The following MYCBP2 variants were observed in gnomAD, a reference collection of about 807,000 sequenced individuals.
The protein encoded by MYCBP2 is E3 ubiquitin-protein ligase MYCBP2.
A neutral mutation model predicts 525.3 loss-of-function variants in MYCBP2; 120 were observed. That is an observed-to-expected ratio of 0.23 (90% CI 0.20 to 0.27). The LOEUF is 0.27. Among genes scored for constraint, MYCBP2 ranks in the 10% least tolerant of loss-of-function variants. The pLI is 1.00. For synonymous variants in MYCBP2, 1,894 were observed against 1,955.8 expected (o/e 0.97, Z 0.83); for missense variants, 4,149 against 5,657.1 (o/e 0.73, Z 8.55).
Position 77,263,795 on chromosome 13 carries a change from A to C in MYCBP2, c.1432-6T>G. The C allele has an allele frequency of 6.2e-7, 1 of 1,612,800 alleles. No individual in the cohort carries two copies. Among genetic ancestry groups the C allele is most frequent in the South Asian group, 1.1e-5 (1 of 91,004 alleles). The stretch of plus-strand genomic sequence containing the variant: ...ATTCTGACAACAAAGCCATCCTAAG[A>C]AAAATAAAACATCCACAGCATTACA... On this transcript the variant is annotated splice_polypyrimidine_tract_variant and splice_region_variant and intron_variant, in intron 9 of 82. Transcript: ENST00000544440.
chr13:77,117,153 C>T (rs1229242146), intron 55 of MYCBP2, among the ~76,000 whole-genome samples: 3 of 152,038 alleles, frequency 2.0e-5, no homozygotes, highest in Non-Finnish European at 4.4e-5. Context: ...CTCCTCACTT[C>T]TGTTTCATTC....
chr13:77,186,661 G>A (rs2060749748), intron 30 of MYCBP2, among the ~76,000 whole-genome samples: 1 of 152,012 alleles, frequency 6.6e-6, no homozygotes, highest in African/African-American at 2.4e-5. Flanking sequence ...AGTTTAAGAT[G>A]GTAGATTTTC....
At chr13:77,072,741 C>T (rs1387858122) in intron 68 of MYCBP2, among the ~76,000 whole-genome samples, 1 of 152,048 alleles carries the variant, frequency 6.6e-6, no homozygotes, top group African/African-American at 2.4e-5. Flanking sequence ...TTATGAACAA[C>T]TTATGGCAAT....
At chr13:77,224,579 C>T (rs772006939) in intron 19 of MYCBP2, 47 bp from the exon 20 acceptor site, 2 of 1,148,684 alleles carry the variant, frequency 1.7e-6, no homozygotes, top group South Asian at 1.3e-5. Context: ...ATGCATTTTA[C>T]ATTTCTATCA....
chr13:77,078,715 T>G (rs2042772759), intron 66 of MYCBP2, 109 bp downstream of exon 66: 3 of 813,508 alleles, frequency 3.7e-6, no homozygotes, highest in Middle Eastern at 2.3e-4. Context: ...AATAGATAAT[T>G]CCCTATAATA....
chr13:77,155,784 T>C (rs933054091), intron 46 of MYCBP2, among the ~76,000 whole-genome samples: 4 of 152,238 alleles, frequency 2.6e-5, no homozygotes, highest in African/African-American at 9.6e-5. Flanking sequence ...ACTGTATGTG[T>C]CTAGCACTCT....
chr13:77,081,713 C>T lies in MYCBP2; in HGVS notation c.11194-62G>A. 6.5e-7 allele frequency: 1 copy of T among 1,536,832 alleles called. No individual in the cohort carries two copies. Among genetic ancestry groups the T allele is most frequent in the Admixed American group, 2.0e-5 (1 of 50,860 alleles). On this transcript the variant is annotated intron_variant, in intron 64 of 82. Transcript: ENST00000544440. The surrounding 1 kb of genome is among the most constrained non-coding windows in gnomAD (Gnocchi z 4.6). Reference sequence around the variant, plus strand: ...AAGCAAATCTTTCGTGATGATAAAACAAACAGGTATAAGATAAAACATAAT... The same window carrying T: ...AAGCAAATCTTTCGTGATGATAAAATAAACAGGTATAAGATAAAACATAAT...
chr13:77,086,224 T>C (rs2044238520), intron 62 of MYCBP2, among the ~76,000 whole-genome samples: 1 of 152,166 alleles, frequency 6.6e-6, no homozygotes, highest in African/African-American at 2.4e-5. Flanking sequence ...GGTTAACAAG[T>C]ATTTTCTTTC....
chr13:77,186,026 C>T lies in MYCBP2; in HGVS notation c.4289G>A (p.Ser1430Asn), dbSNP rs1398365554. ...AACTCCTAAGACTAAGGTGGTCCAG[C>T]TCCAGTGAAGAATACTCAACAATGA... is the stretch of plus-strand genomic sequence containing the variant. Reference protein sequence around the residue: ...FESLLSILHWSWTTLVLGVEE... With the variant: ...FESLLSILHWNWTTLVLGVEE... The change falls in exon 31 of 83, where the codon AGC becomes AAC. Residue 1430 changes from serine to asparagine, a missense_variant. By Grantham distance (46) the Ser-to-Asn change is conservative (BLOSUM62 1). Around this residue, in one of 21 missense-constraint regions of MYCBP2, gnomAD observed 292 missense variants for 330.5 expected, o/e 0.88. Coordinates refer to ENST00000544440, the MANE Select transcript of MYCBP2 (RefSeq NM_015057.5). 2 of 1,608,432 alleles carry T rather than the reference C, an allele frequency of 1.2e-6. No individual in the cohort carries two copies. Among genetic ancestry groups the T allele is most frequent in the South Asian group, 1.1e-5 (1 of 89,976 alleles).
intron 46 of MYCBP2, among the ~76,000 whole-genome samples, chr13:77,151,981 T>G (rs766380138): frequency 1.3e-5 from 2 of 152,186 alleles, no homozygotes; most frequent in South Asian, 4.1e-4. Context: ...CTACAGACAA[T>G]AGTTTTGTGG....
chr13:77,078,851 T>C lies in MYCBP2; in HGVS notation c.11457A>G (p.Ala3819=). 6.2e-7 allele frequency: 1 copy of C among 1,613,768 alleles called. No homozygotes were observed. The change falls in exon 66 of 83, where the codon GCA becomes GCG. Residue 3819 remains alanine, a synonymous_variant. Coordinates refer to ENST00000544440, the MANE Select transcript of MYCBP2 (RefSeq NM_015057.5). ...GCTTTATTCTGCACAAATCTTCTAC[T>C]GCTTTGCCAGTTAAGAAGGTCATTG... ...VTSMTFLTGK[A]VEDLCRIKQV...
chr13:77,283,699 C>T (rs892318837), intron 3 of MYCBP2, among the ~76,000 whole-genome samples: 1 of 152,040 alleles, frequency 6.6e-6, no homozygotes, highest in East Asian at 1.9e-4. Flanking sequence ...GAGTTCGAGA[C>T]CAGCCTGGGC....
At chr13:77,078,929 C>T in intron 65 of MYCBP2, 40 bp from the exon 66 acceptor site, 2 of 1,518,340 alleles carry the variant, frequency 1.3e-6, no homozygotes, top group Non-Finnish European at 1.8e-6. Flanking sequence ...TGCTATATTC[C>T]TGCTTCAGAA....
intron 17 of MYCBP2, among the ~76,000 whole-genome samples, chr13:77,238,099 C>T: frequency 6.6e-6 from 1 of 151,648 alleles, no homozygotes. Context: ...AAAAATTAGC[C>T]CGGTGTGGTG....
chr13:77,312,376 C>G (rs2080362120), intron 1 of MYCBP2, among the ~76,000 whole-genome samples: 1 of 151,856 alleles, frequency 6.6e-6, no homozygotes, highest in Non-Finnish European at 1.5e-5. Flanking sequence ...CTGTCGACAA[C>G]AAAAACTATA....
At chr13:77,203,802 T>A (rs1226005533) in intron 26 of MYCBP2, among the ~76,000 whole-genome samples, 1 of 151,850 alleles carries the variant, frequency 6.6e-6, no homozygotes, top group African/African-American at 2.4e-5. Context: ...GGGAAAGGAT[T>A]CCCTATTTAA....
chr13:77,073,411 C>T (rs2154090924), intron 68 of MYCBP2, among the ~76,000 whole-genome samples: 1 of 152,124 alleles, frequency 6.6e-6, no homozygotes, highest in East Asian at 1.9e-4. Flanking sequence ...AGATTCACCC[C>T]CAAAAAATCT....
intron 55 of MYCBP2, among the ~76,000 whole-genome samples, chr13:77,113,110 TG>T (rs1382854212): frequency 6.6e-6 from 1 of 152,180 alleles, no homozygotes. Flanking sequence ...TGTGATTCAT[TG>T]GATCTCTGTA....
intron 1 of MYCBP2, among the ~76,000 whole-genome samples, chr13:77,319,407 C>A (rs554705916): frequency 1.3e-5 from 2 of 152,172 alleles, no homozygotes; most frequent in Non-Finnish European, 1.5e-5. Context: ...AGAACACTGA[C>A]CTTAGCATAG....
Sources: allele counts gnomAD v4.1 joint callset (sites outside exome capture counted in the v4.1 genomes callset), GRCh38; gene constraint gnomAD v4.1.1; regional missense constraint gnomAD v4.1.1; non-coding constraint Gnocchi (gnomAD v3.1); transcripts MANE v1.5; gene names NCBI Gene and HGNC (gene_info 2026-07-23, HGNC 2026-07-21).